Variants in SGSM1 observed in about 807,000 individuals in gnomAD.
The protein encoded by SGSM1 is RUN and TBC1 domain containing 2.
A neutral mutation model predicts 133.8 loss-of-function variants in SGSM1; 73 were observed. The observed-to-expected ratio is 0.55, with a 90% confidence interval of 0.45 to 0.66. The LOEUF (loss-of-function observed/expected upper bound fraction) is 0.66, where lower values mean the gene tolerates loss of function less well. Ranked by LOEUF, SGSM1 falls within the 30% of genes least tolerant of loss-of-function variation. The pLI, the probability that SGSM1 is intolerant of heterozygous loss-of-function variation, is 0.00. For missense variants in SGSM1, 1,213 were observed against 1,448.1 expected (o/e 0.84, Z 2.64); for synonymous variants, 563 against 573.0 (o/e 0.98, Z 0.25).
intron 21 of SGSM1, among the ~76,000 whole-genome samples, chr22:24,906,391 G>A (rs534165938): frequency 6.6e-6 from 1 of 152,130 alleles, no homozygotes; most frequent in Non-Finnish European, 1.5e-5. Flanking sequence ...TCTAGCCAGG[G>A]CAATTAAGAA....
In SGSM1 at chr22:24,910,132, T is replaced by C. The variant is rs570285787; in HGVS notation, c.2819-2511T>C. On this transcript the variant is annotated intron_variant, in intron 21 of 24. Transcript: ENST00000400358. Reference sequence around the variant, plus strand: ...GGTGTGATTCCATTTATATGAAATGTCCAGAATAGACAAATCCATGGAGAC... The same window carrying C: ...GGTGTGATTCCATTTATATGAAATGCCCAGAATAGACAAATCCATGGAGAC... Among the ~76,000 whole-genome samples, 31 of 152,264 alleles carry C rather than the reference T, an allele frequency of 2.0e-4. No individual in the cohort carries two copies. In the South Asian group the frequency reaches 6.4e-3, roughly 32 times the overall value.
intron 3 of SGSM1, 121 bp from the exon 4 acceptor site, chr22:24,847,513 C>G: frequency 7.9e-7 from 1 of 1,270,644 alleles, no homozygotes; most frequent in Non-Finnish European, 1.1e-6. Flanking sequence ...TGGGGTAAGA[C>G]AGAAGGTAAG....
At chr22:24,879,277 CAG>C (rs1932190096) in intron 13 of SGSM1, among the ~76,000 whole-genome samples, 183 bp from the exon 14 acceptor site, 2 of 152,182 alleles carry the variant, frequency 1.3e-5, no homozygotes, top group South Asian at 2.1e-4. Context: ...AAGGGAAAAT[CAG>C]GGGGCCGGTA....
At chr22:24,845,969 C>CTT (rs376243892) in intron 3 of SGSM1, among the ~76,000 whole-genome samples, 1 of 141,458 alleles carries the variant, frequency 7.1e-6, no homozygotes, top group Non-Finnish European at 1.5e-5. Flanking sequence ...TTCTTTCTTT[C>CTT]TTTCTTTCTT....
At chr22:24,898,867 A>T (rs1329703202) in intron 19 of SGSM1, among the ~76,000 whole-genome samples, 3 of 152,060 alleles carry the variant, frequency 2.0e-5, no homozygotes, top group African/African-American at 4.8e-5. Flanking sequence ...CTCTACTAAA[A>T]GTACAAAAAA....
In SGSM1 at chr22:24,881,570, AC is replaced by A. The variant is rs879756790; in HGVS notation, c.1495+2045del. On this transcript the variant is annotated intron_variant, in intron 14 of 24. Transcript: ENST00000400358. Reference sequence around the variant, plus strand: ...GACAGAGCGAGACTCCGTCTCAAAAACAAAACAAAACAAAACAAAACAAAAA... The same window carrying A: ...GACAGAGCGAGACTCCGTCTCAAAAAAAAACAAAACAAAACAAAACAAAAA... Among the ~76,000 whole-genome samples, 1,312 of 131,648 alleles carry A rather than the reference AC, an allele frequency of 1.0e-2. 6 individuals carry two copies. The highest frequency in any genetic ancestry group is 0.025 in the Middle Eastern group (6 of 236). 86.4% of individuals were successfully genotyped at this position (131,648 alleles called of 152,430 possible). A position where few individuals can be genotyped will look rare whatever the true frequency, so the allele number is the denominator to read the frequency against.
intron 13 of SGSM1, 117 bp from the exon 14 acceptor site, chr22:24,879,345 C>G: frequency 1.1e-6 from 1 of 898,472 alleles, no homozygotes; most frequent in Non-Finnish European, 1.8e-6. Flanking sequence ...TCCCTACAGT[C>G]TCCCTGACTG....
chr22:24,839,243 T>C (rs1008077022), intron 2 of SGSM1, among the ~76,000 whole-genome samples: 4 of 152,030 alleles, frequency 2.6e-5, no homozygotes, highest in African/African-American at 9.7e-5. Context: ...TTGTATTTTT[T>C]TGTAGAAGTT....
chr22:24,824,259 C>A (rs1042833874), intron 2 of SGSM1, among the ~76,000 whole-genome samples: 1 of 152,114 alleles, frequency 6.6e-6, no homozygotes, highest in Non-Finnish European at 1.5e-5. Context: ...GGGCAAGGAC[C>A]AGGAGGTGGG....
chr22:24,809,682 T>A (rs1361666970), intron 2 of SGSM1, among the ~76,000 whole-genome samples: 2 of 152,206 alleles, frequency 1.3e-5, no homozygotes, highest in African/African-American at 4.8e-5. Context: ...GGCTAGGTTC[T>A]GTGGATATAG....
rs367734596 is a variant in SGSM1 at position 24,898,454 on chromosome 22, G to A, written c.2505G>A (p.Ser835=). 45 of 1,613,754 alleles carry A rather than the reference G, an allele frequency of 2.8e-5. No homozygotes were observed. The highest frequency in any genetic ancestry group is 8.8e-5 in the South Asian group (8 of 91,082). Reference sequence around the variant, plus strand: ...AGGCGGACAGTGAGGACAACCTCTCGGAGGAGCCTGAGATGGAAAGTCTCT... The same window carrying A: ...AGGCGGACAGTGAGGACAACCTCTCAGAGGAGCCTGAGATGGAAAGTCTCT... The part of the protein sequence containing the change: ...HGQADSEDNL[S]EEPEMESLFP... The change falls in exon 19 of 25, where the codon TCG becomes TCA. Residue 835 remains serine (S), a synonymous_variant. Transcript: ENST00000400358.
At chr22:24,836,368 G>T (rs1226240536) in intron 2 of SGSM1, among the ~76,000 whole-genome samples, 1 of 152,206 alleles carries the variant, frequency 6.6e-6, no homozygotes, top group African/African-American at 2.4e-5. Context: ...GGACACTTGG[G>T]TTGTTTCCAC....
At chr22:24,864,355 C>A (rs1256859547) in intron 9 of SGSM1, among the ~76,000 whole-genome samples, 1 of 152,252 alleles carries the variant, frequency 6.6e-6, no homozygotes, top group Non-Finnish European at 1.5e-5. Context: ...CACACAAAAA[C>A]TTATACACAA....
At chr22:24,888,151 A>G (rs193290517) in intron 16 of SGSM1, among the ~76,000 whole-genome samples, 8 of 152,210 alleles carry the variant, frequency 5.3e-5, no homozygotes, top group African/African-American at 1.4e-4. Context: ...GTAACTTTTC[A>G]TCTTGTAAGC....
chr22:24,859,866 C>G (rs1931025752), intron 9 of SGSM1, 26 bp downstream of exon 9: 1 of 1,612,094 alleles, frequency 6.2e-7, no homozygotes, highest in Non-Finnish European at 8.5e-7. Flanking sequence ...TGATACGTAT[C>G]CCTTGGGTCC....
chr22:24,837,143 C>G (rs950625643), intron 2 of SGSM1, among the ~76,000 whole-genome samples: 1 of 152,102 alleles, frequency 6.6e-6, no homozygotes, highest in Non-Finnish European at 1.5e-5. Flanking sequence ...GCACGGAGAC[C>G]GGTAGTGGCC....
At chr22:24,876,360 T>C (rs1265616409) in intron 12 of SGSM1, among the ~76,000 whole-genome samples, 3 of 152,194 alleles carry the variant, frequency 2.0e-5, no homozygotes, top group Non-Finnish European at 4.4e-5. Flanking sequence ...TCTCTTTGGC[T>C]GTCATCAGCT....
chr22:24,875,344 C>T (rs904216018), intron 12 of SGSM1, among the ~76,000 whole-genome samples: 4 of 152,164 alleles, frequency 2.6e-5, no homozygotes, highest in Non-Finnish European at 5.9e-5. Context: ...ATGACATTCA[C>T]ATTTCAGTAT....
chr22:24,888,938 CT>C (rs1234715475), intron 16 of SGSM1, among the ~76,000 whole-genome samples: 2,502 of 79,740 alleles, frequency 0.031, 26 homozygotes, highest in African/African-American at 0.14. Flanking sequence ...TCATAGTCAC[CT>C]TTTTTTTTTT....
Sources: gnomAD v4.1 joint callset for allele counts (sites outside exome capture counted in the v4.1 genomes callset) on GRCh38, gnomAD v4.1.1 for gene constraint, MANE v1.5 for transcripts, NCBI Gene and HGNC (gene_info 2026-07-23, HGNC 2026-07-21) for gene names.